PLD3: variants seen among roughly 807,000 people sequenced by gnomAD.
The protein encoded by PLD3 is 5'-3' exonuclease PLD3.
In PLD3, 31 loss-of-function variants were observed where a neutral mutation model predicts 58.4. The observed-to-expected ratio is 0.53, with a 90% confidence interval of 0.40 to 0.72. The LOEUF is 0.72. PLD3 is among the 30% of genes least tolerant of loss of function. The pLI is 0.00. For synonymous variants in PLD3, 264 were observed against 273.4 expected (o/e 0.97, Z 0.34); for missense variants, 595 against 659.8 (o/e 0.90, Z 1.08).
intron 1 of PLD3, among the ~76,000 whole-genome samples, chr19:40,353,304 C>T (rs900946749): frequency 5.9e-5 from 9 of 151,944 alleles, no homozygotes; most frequent in African/African-American, 1.7e-4. Flanking sequence ...GTGGCGGGCA[C>T]CTGTCATCCC....
Position 40,369,997 on chromosome 19 carries a change from A to G in PLD3, c.519A>G (p.Pro173=). The G allele has an allele frequency of 6.4e-7, 1 of 1,560,746 alleles. No homozygotes were observed. The highest frequency in any genetic ancestry group is 1.2e-5 in the South Asian group (1 of 85,220). Residue 173 remains proline, a synonymous_variant, in exon 7 of 13, where the codon CCA becomes CCG. Coordinates refer to ENST00000409735, the MANE Select transcript of PLD3 (RefSeq NM_012268.4). ...TGAGCAAGCCCAGCGGGCCCCAGCC[A>G]CAGGCGGACCTGCAGGCTCTGCTGC... ...IAVSKPSGPQ[P]QADLQALLQS... is the part of the protein sequence containing the mutation.
intron 6 of PLD3, 63 bp from the exon 7 acceptor site, chr19:40,369,845 A>G (rs1568671141): frequency 1.6e-5 from 23 of 1,464,304 alleles, no homozygotes; most frequent in Non-Finnish European, 1.8e-5. Flanking sequence ...TCCACCGGGC[A>G]TTACCTTGTG....
At chr19:40,371,635 A>G in intron 8 of PLD3, 38 bp from the exon 9 acceptor site, 1 of 1,451,878 alleles carries the variant, frequency 6.9e-7, no homozygotes, top group Admixed American at 1.7e-5. Context: ...TGTGAGCACT[A>G]GGCCGCTATC....
chr19:40,367,316 C>G (rs2078950643), intron 5 of PLD3: 1 of 259,050 alleles, frequency 3.9e-6, no homozygotes, highest in Admixed American at 4.9e-5. Flanking sequence ...CTTGGTGGCT[C>G]ACGCCTGTAA....
chr19:40,350,157 G>A (rs1017307991), intron 1 of PLD3, among the ~76,000 whole-genome samples: 4 of 151,182 alleles, frequency 2.6e-5, no homozygotes, highest in Non-Finnish European at 5.9e-5. Context: ...CTACTCGGGA[G>A]GCTGAGACAG....
chr19:40,375,649 CA>C (rs59711528), intron 10 of PLD3, among the ~76,000 whole-genome samples: 40,920 of 95,766 alleles, frequency 0.43, 6,022 homozygotes, highest in Non-Finnish European at 0.47. Context: ...GACACCTTCT[CA>C]AAAAAAAAAA....
rs780404888 is a variant in PLD3 at position 40,366,572 on chromosome 19, G to T, written c.28-38G>T. 3.6e-5 allele frequency: 57 copies of T among 1,586,212 alleles called. No individual in the cohort carries two copies. The South Asian group carries it at 6.2e-4, about 17-fold the overall frequency. On this transcript the variant is annotated intron_variant, in intron 3 of 12. Coordinates refer to ENST00000409735, the MANE Select transcript of PLD3 (RefSeq NM_012268.4). The stretch of plus-strand genomic sequence containing the variant: ...GTACAGTGGGGGTGGGGGTTCCCAA[G>T]AGCCACCTGTCACCCCCGTTGTTGT...
intron 10 of PLD3, among the ~76,000 whole-genome samples, chr19:40,375,776 G>A (rs2079183231): frequency 1.3e-5 from 2 of 151,786 alleles, no homozygotes; most frequent in Non-Finnish European, 2.9e-5. Context: ...TAAGACAGTG[G>A]GTCCAGGCAT....
In PLD3 at chr19:40,377,746, C is replaced by T. The variant is rs182251284; in HGVS notation, c.1186-40C>T. 4,438 of 1,494,620 alleles carry T rather than the reference C, an allele frequency of 3.0e-3. 9 individuals carry two copies. The highest frequency in any genetic ancestry group is 3.6e-3 in the Non-Finnish European group (3,860 of 1,072,266). The allele number at this position is 1,494,620 out of a possible 1,614,324, so 92.6% of individuals were successfully genotyped here. ...GATCCCGGGGCTCCTCCGACTCCCC[C>T]TGCCTCTCACACTCCTTCCCATCCT... is the stretch of plus-strand genomic sequence containing the variant. On this transcript the variant is annotated intron_variant, in intron 11 of 12. Transcript: ENST00000409735.
intron 1 of PLD3, among the ~76,000 whole-genome samples, chr19:40,363,162 CG>C (rs1238310572): frequency 1.3e-5 from 2 of 152,268 alleles, no homozygotes; most frequent in East Asian, 3.9e-4. Flanking sequence ...ACCTTGCCTT[CG>C]GTTTTGTTTT....
intron 8 of PLD3, 66 bp from the exon 9 acceptor site, chr19:40,371,607 G>A: frequency 9.4e-7 from 1 of 1,063,574 alleles, no homozygotes; most frequent in South Asian, 1.4e-5. Context: ...GACCAGACTG[G>A]GGAGTGTCCC....
chr19:40,361,278 A>AT (rs1252694923), intron 1 of PLD3, among the ~76,000 whole-genome samples: 28 of 152,036 alleles, frequency 1.8e-4, no homozygotes, highest in Admixed American at 1.8e-3. Context: ...TGCCCAGCTA[A>AT]TTTTTTATTT....
chr19:40,363,063 C>G (rs1185757894), intron 1 of PLD3, among the ~76,000 whole-genome samples: 2 of 151,922 alleles, frequency 1.3e-5, no homozygotes, highest in African/African-American at 4.8e-5. Flanking sequence ...CGGTGCCAGG[C>G]CTTTCTCCTT....
intron 1 of PLD3, among the ~76,000 whole-genome samples, chr19:40,361,426 T>TA (rs1236131644): frequency 1.3e-5 from 2 of 152,080 alleles, no homozygotes; most frequent in African/African-American, 4.8e-5. Context: ...CCCCATCTCT[T>TA]AAAAAAATCT....
At chr19:40,371,371 T>G (rs1600323953) in intron 8 of PLD3, 3 of 354,546 alleles carry the variant, frequency 8.5e-6, no homozygotes, top group South Asian at 8.8e-5. Context: ...GCAGGCTGGG[T>G]AGTCATGGGA....
In PLD3 at chr19:40,378,044, G is replaced by C. The variant is rs1251969171; in HGVS notation, c.1344G>C (p.Val448=). The part of the protein sequence containing the change: ...FTETAGTSLL[V]TQNGRGGLRS... ...AGACGGCGGGCACCTCGCTGCTGGT[G>C]ACGCAGAATGGGAGGGGCGGCCTGC... Residue 448 remains valine, a synonymous_variant, in exon 13 of 13, where the codon GTG becomes GTC. Transcript: ENST00000409735. The C allele has an allele frequency of 1.9e-6, 3 of 1,613,946 alleles. No homozygotes were observed. Among genetic ancestry groups the C allele is most frequent in the Non-Finnish European group, 2.5e-6 (3 of 1,179,884 alleles).
At chr19:40,348,880 AATAT>A (rs1453927697) in intron 1 of PLD3, 112 bp downstream of exon 1, 1 of 150,022 alleles carries the variant, frequency 6.7e-6, no homozygotes, top group Non-Finnish European at 1.5e-5. Flanking sequence ...TATGGAATAT[AATAT>A]ATATAATTAT....
At position 40,374,617 on chromosome 19, in the gene PLD3, A is replaced by G. The variant is rs551252711; in HGVS notation, c.1016A>G (p.His339Arg). The G allele has an allele frequency of 1.4e-5, 22 of 1,613,964 alleles. No individual in the cohort carries two copies. The African/African-American group carries it at 2.9e-4, about 22-fold the overall frequency. Residue 339 changes from histidine to arginine, a missense_variant, in exon 10 of 13, where the codon CAC becomes CGC. Transcript: ENST00000409735. ...YLPTLEFSHP[H>R]RFWPAIDDGL... ...CCCACTCTGGAGTTCTCCCACCCTCACAGGTACTGCTGGGTGTGGAGATAG... is the reference window on the plus strand; with the variant it reads ...CCCACTCTGGAGTTCTCCCACCCTCGCAGGTACTGCTGGGTGTGGAGATAG...
intron 1 of PLD3, among the ~76,000 whole-genome samples, chr19:40,361,033 G>A (rs562533288): frequency 1.7e-4 from 26 of 149,422 alleles, no homozygotes; most frequent in Admixed American, 1.5e-3. Context: ...TGAAATCCCC[G>A]CACTGTGCGA....
Sources: gnomAD v4.1 joint callset for allele counts (sites outside exome capture counted in the v4.1 genomes callset) on GRCh38, gnomAD v4.1.1 for gene constraint, MANE v1.5 for transcripts, NCBI Gene and HGNC (gene_info 2026-07-23, HGNC 2026-07-21) for gene names.